Variants in MDGA2 observed in about 807,000 individuals in gnomAD.
The protein encoded by MDGA2 is MAM domain-containing glycosylphosphatidylinositol anchor protein 2.
In MDGA2, 40 loss-of-function variants were observed where a neutral mutation model predicts 117.8. That is an observed-to-expected ratio of 0.34 (90% CI 0.26 to 0.44). The LOEUF (loss-of-function observed/expected upper bound fraction) is 0.44, where lower values mean the gene tolerates loss of function less well. Ranked by LOEUF, MDGA2 falls within the 20% of genes least tolerant of loss-of-function variation. The pLI is 1.00. For synonymous variants in MDGA2, 452 were observed against 439.0 expected, an observed-to-expected ratio of 1.03 and a Z score of -0.37; for missense variants, 1,123 against 1,250.6, an observed-to-expected ratio of 0.90 and a Z score of 1.54.
rs905390285 is a variant in MDGA2 at position 47,603,804 on chromosome 14, A to G, written c.280+70713T>C. ...TGAGGGGTGACTGGATCACAGGGGCAGATCCAGTGGATGGCTTAGCACCAT... is the reference window on the plus strand; with the variant it reads ...TGAGGGGTGACTGGATCACAGGGGCGGATCCAGTGGATGGCTTAGCACCAT... On this transcript the variant is annotated intron_variant, in intron 1 of 16. Coordinates refer to ENST00000399232, the MANE Select transcript of MDGA2 (RefSeq NM_001113498.3). Among the ~76,000 whole-genome samples, 4 of 152,242 alleles carry G rather than the reference A, an allele frequency of 2.6e-5. No homozygotes were observed. In the South Asian group the frequency reaches 6.2e-4, roughly 24 times the overall value.
intron 1 of MDGA2, among the ~76,000 whole-genome samples, chr14:47,637,245 G>C (rs1193765843): frequency 6.6e-6 from 1 of 152,096 alleles, no homozygotes; most frequent in Admixed American, 6.5e-5. Flanking sequence ...GTACAAACAG[G>C]ATACAAATCC....
At chr14:47,618,131 G>T (rs1298980603) in intron 1 of MDGA2, among the ~76,000 whole-genome samples, 2 of 152,062 alleles carry the variant, frequency 1.3e-5, no homozygotes, top group Non-Finnish European at 2.9e-5. Flanking sequence ...GGGAGACAAG[G>T]ATAAACATAT....
At chr14:47,214,388 C>G (rs1159639740) in intron 3 of MDGA2, among the ~76,000 whole-genome samples, 1 of 152,056 alleles carries the variant, frequency 6.6e-6, no homozygotes, top group African/African-American at 2.4e-5. Flanking sequence ...TTTCCTAAAA[C>G]TCTTGGAATG....
At chr14:46,953,632 G>T (rs1358643758) in intron 9 of MDGA2, among the ~76,000 whole-genome samples, 1 of 150,224 alleles carries the variant, frequency 6.7e-6, no homozygotes, top group Non-Finnish European at 1.5e-5. Context: ...TTATTGTCTT[G>T]CCTGACTTGT....
intron 6 of MDGA2, among the ~76,000 whole-genome samples, chr14:47,086,126 T>TTG (rs1176354524): frequency 1.2e-4 from 18 of 151,780 alleles, no homozygotes; most frequent in South Asian, 8.3e-4. Context: ...TTTTTGTTTT[T>TTG]TTTTTAAGCA....
chr14:46,943,640 C>T (rs1885072559), intron 9 of MDGA2, among the ~76,000 whole-genome samples: 1 of 151,986 alleles, frequency 6.6e-6, no homozygotes, highest in African/African-American at 2.4e-5. Flanking sequence ...TTCTCACTTC[C>T]CACATCACAA....
At chr14:46,989,786 G>T (rs930192326) in intron 8 of MDGA2, among the ~76,000 whole-genome samples, 1 of 151,958 alleles carries the variant, frequency 6.6e-6, no homozygotes, top group Admixed American at 6.6e-5. Flanking sequence ...AGCTGGCAGG[G>T]ACCACCAAGT....
chr14:47,426,788 G>T (rs943433824), intron 1 of MDGA2, among the ~76,000 whole-genome samples: 1 of 91,280 alleles, frequency 1.1e-5, no homozygotes, highest in Non-Finnish European at 2.3e-5. Context: ...TTGATATAAA[G>T]ACTTTAATAT....
chr14:47,035,944 A>C (rs1207122541), intron 7 of MDGA2, among the ~76,000 whole-genome samples: 1 of 152,110 alleles, frequency 6.6e-6, no homozygotes, highest in Non-Finnish European at 1.5e-5. Flanking sequence ...AATTTTAATT[A>C]AATCTTCAAA....
chr14:47,509,113 G>C (rs550189231), intron 1 of MDGA2, among the ~76,000 whole-genome samples: 2 of 152,286 alleles, frequency 1.3e-5, no homozygotes, highest in African/African-American at 4.8e-5. Context: ...AAGAGAACAT[G>C]AGAAAGTAGC....
At chr14:47,055,601 T>G (rs112245899) in intron 7 of MDGA2, among the ~76,000 whole-genome samples, 3,006 of 152,260 alleles carry the variant, frequency 0.02, 102 homozygotes, top group African/African-American at 0.067. Flanking sequence ...CGGTTACATG[T>G]GAGTTTAATT....
At chr14:47,049,265 C>A (rs1187461015) in intron 7 of MDGA2, among the ~76,000 whole-genome samples, 1 of 151,924 alleles carries the variant, frequency 6.6e-6, no homozygotes, top group Non-Finnish European at 1.5e-5. Context: ...TACAATTCTT[C>A]CTTGATATTC....
intron 6 of MDGA2, among the ~76,000 whole-genome samples, chr14:47,067,188 G>A (rs746712533): frequency 2.0e-4 from 31 of 152,092 alleles, no homozygotes; most frequent in Non-Finnish European, 3.1e-4. Context: ...AAAAAAGTTC[G>A]TATTTCTCCC....
chr14:47,115,379 G>A (rs998633047), intron 5 of MDGA2, among the ~76,000 whole-genome samples: 1 of 151,944 alleles, frequency 6.6e-6, no homozygotes, highest in Non-Finnish European at 1.5e-5. Context: ...TCTGGATGAG[G>A]AGACTAATTC....
At chr14:47,573,219 A>T (rs1896053803) in intron 1 of MDGA2, among the ~76,000 whole-genome samples, 1 of 152,216 alleles carries the variant, frequency 6.6e-6, no homozygotes, top group African/African-American at 2.4e-5. Flanking sequence ...TATCAATGAA[A>T]AGATGAGAGT....
At chr14:47,124,454 G>A (rs1566638161) in intron 5 of MDGA2, among the ~76,000 whole-genome samples, 2 of 152,082 alleles carry the variant, frequency 1.3e-5, no homozygotes, top group Non-Finnish European at 2.9e-5. Flanking sequence ...AGTTCTCAGT[G>A]AGGAATAGGC....
At chr14:47,652,551 T>C (rs992961086) in intron 1 of MDGA2, among the ~76,000 whole-genome samples, 4 of 152,156 alleles carry the variant, frequency 2.6e-5, no homozygotes, top group Admixed American at 6.6e-5. Context: ...TGTGTTGAAA[T>C]AGAATTAAAC....
chr14:47,608,428 C>T (rs975319027), intron 1 of MDGA2, among the ~76,000 whole-genome samples: 10 of 152,004 alleles, frequency 6.6e-5, no homozygotes, highest in African/African-American at 2.4e-4. Context: ...ATGATGTTCA[C>T]GAGAAAATTC....
At chr14:46,991,929 CAA>C (rs1228681076) in intron 8 of MDGA2, among the ~76,000 whole-genome samples, 2 of 151,972 alleles carry the variant, frequency 1.3e-5, no homozygotes, top group Admixed American at 6.6e-5. Flanking sequence ...GGTTGAAATA[CAA>C]AAAGAGACTT....
Sources: gnomAD v4.1 joint callset for allele counts (sites outside exome capture counted in the v4.1 genomes callset) on GRCh38, gnomAD v4.1.1 for gene constraint, MANE v1.5 for transcripts, NCBI Gene and HGNC (gene_info 2026-07-23, HGNC 2026-07-21) for gene names.